Variants in DNM3 observed in about 807,000 individuals in gnomAD.
The protein encoded by DNM3 is dynamin 3.
Under a neutral mutation model 101.6 loss-of-function variants are expected in DNM3, and 47 were observed. The observed-to-expected ratio is 0.46, with a 90% confidence interval of 0.37 to 0.59. DNM3 has a LOEUF of 0.59. Among genes scored for constraint, DNM3 ranks in the 20% least tolerant of loss-of-function variants. The pLI, the probability that DNM3 is intolerant of heterozygous loss-of-function variation, is 0.00. For synonymous variants in DNM3, 385 were observed against 387.9 expected (o/e 0.99, Z 0.09); for missense variants, 849 against 1,085.7 (o/e 0.78, Z 3.06).
intron 16 of DNM3, among the ~76,000 whole-genome samples, chr1:172,319,535 GA>G (rs879441987): frequency 6.6e-6 from 1 of 151,950 alleles, no homozygotes; most frequent in Non-Finnish European, 1.5e-5. Flanking sequence ...AAATTTACAA[GA>G]AAAAAACAAA....
intron 4 of DNM3, among the ~76,000 whole-genome samples, chr1:172,015,749 A>G (rs2047408038): frequency 6.6e-6 from 1 of 152,188 alleles, no homozygotes; most frequent in South Asian, 2.1e-4. Context: ...TACAATCTAT[A>G]AAGAGTTATT....
In DNM3 at chr1:171,865,515, CAAAA is replaced by C. The variant is rs57826674; in HGVS notation, c.161+23720_161+23723del. ...TGGGTGACAGAGCAAGATCCTGTCT[CAAAA>C]AAAAAAAAAAAAAAAAAAAAAGAAT... On this transcript the variant is annotated intron_variant, in intron 1 of 20. Transcript: ENST00000627582. Among the ~76,000 whole-genome samples the C allele has an allele frequency of 5.9e-3, 478 of 80,690 alleles. 4 individuals carry two copies. Among genetic ancestry groups the C allele is most frequent in the African/African-American group, 0.021 (450 of 21,408 alleles). The allele number at this position is 80,690 out of a possible 152,430, so 52.9% of individuals were successfully genotyped here.
At chr1:172,156,702 A>G (rs1425374194) in intron 14 of DNM3, among the ~76,000 whole-genome samples, 3 of 152,098 alleles carry the variant, frequency 2.0e-5, no homozygotes. Flanking sequence ...GTGATTGTAT[A>G]CTATAAATAA....
At chr1:172,086,441 G>A (rs2147777490) in intron 12 of DNM3, among the ~76,000 whole-genome samples, 1 of 152,266 alleles carries the variant, frequency 6.6e-6, no homozygotes, top group South Asian at 2.1e-4. Context: ...TAGCACCATT[G>A]CACAATAGAA....
intron 20 of DNM3, among the ~76,000 whole-genome samples, chr1:172,398,246 C>T (rs1429578315): frequency 1.3e-5 from 2 of 152,168 alleles, no homozygotes; most frequent in African/African-American, 4.8e-5. Context: ...CTTCTGATTT[C>T]CCTTGTTTCT....
At chr1:172,304,222 A>AAC (rs745651671) in intron 15 of DNM3, among the ~76,000 whole-genome samples, 4 of 129,004 alleles carry the variant, frequency 3.1e-5, no homozygotes, top group African/African-American at 1.4e-4. Flanking sequence ...AAAAAAAAAA[A>AAC]CAGGAGTTGC....
At chr1:172,124,700 G>A (rs146082317) in intron 13 of DNM3, among the ~76,000 whole-genome samples, 121 of 152,194 alleles carry the variant, frequency 8.0e-4, no homozygotes, top group Middle Eastern at 3.4e-3. Context: ...TCTTGCCCTG[G>A]CCCAGAGCAC....
At chr1:172,111,566 C>T (rs573138493) in intron 13 of DNM3, among the ~76,000 whole-genome samples, 1 of 152,230 alleles carries the variant, frequency 6.6e-6, no homozygotes, top group South Asian at 2.1e-4. Context: ...AGTAAGTTGC[C>T]TAAGTTCACA....
chr1:172,233,185 AT>A (rs1229709671), intron 14 of DNM3, among the ~76,000 whole-genome samples: 1 of 152,226 alleles, frequency 6.6e-6, no homozygotes, highest in Non-Finnish European at 1.5e-5. Flanking sequence ...AATAGATGCA[AT>A]AAAAAATGAT....
chr1:171,875,317 G>T (rs12141865), intron 1 of DNM3, among the ~76,000 whole-genome samples: 14,339 of 152,144 alleles, frequency 0.094, 832 homozygotes, highest in South Asian at 0.24. Flanking sequence ...TCCTCTGCAG[G>T]CTTGCCAGCA....
At chr1:172,361,684 T>C (rs2067747826) in intron 17 of DNM3, among the ~76,000 whole-genome samples, 1 of 151,944 alleles carries the variant, frequency 6.6e-6, no homozygotes, top group Non-Finnish European at 1.5e-5. Context: ...ACCTGACAAG[T>C]AGTGTTAGGT....
chr1:172,317,594 G>C (rs898451122), intron 16 of DNM3, among the ~76,000 whole-genome samples: 1 of 152,204 alleles, frequency 6.6e-6, no homozygotes, highest in African/African-American at 2.4e-5. Flanking sequence ...ACTACCATCA[G>C]AGAATACTAC....
chr1:172,101,919 T>C (rs2054671598), intron 13 of DNM3, among the ~76,000 whole-genome samples: 1 of 152,038 alleles, frequency 6.6e-6, no homozygotes, highest in South Asian at 2.1e-4. Context: ...AGTGCAATGG[T>C]GTGATATCGG....
chr1:172,009,518 ATTAAAAC>A (rs2046974295), intron 4 of DNM3, among the ~76,000 whole-genome samples: 2 of 151,752 alleles, frequency 1.3e-5, no homozygotes, highest in African/African-American at 4.8e-5. Context: ...ATTAATTAAA[ATTAAAAC>A]TTAATAATTG....
At chr1:172,193,207 C>G (rs1308587138) in intron 14 of DNM3, among the ~76,000 whole-genome samples, 2 of 151,798 alleles carry the variant, frequency 1.3e-5, no homozygotes, top group Non-Finnish European at 2.9e-5. Context: ...GTCCTTGGCC[C>G]CATCAAAAAG....
chr1:172,314,876 G>C lies in DNM3; in HGVS notation c.1881+6037G>C, dbSNP rs573479710. Among the ~76,000 whole-genome samples the C allele has an allele frequency of 3.3e-5, 5 of 152,296 alleles. No homozygotes were observed. In the East Asian group the frequency reaches 9.7e-4, roughly 29 times the overall value. On this transcript the variant is annotated intron_variant, in intron 16 of 20. Transcript: ENST00000627582. ...TTAAATGTCCCTGTCTGACAGCTTT[G>C]AAGAGAGCAGTGGTTCTCCCAGCAC...
intron 14 of DNM3, among the ~76,000 whole-genome samples, chr1:172,160,400 T>C (rs1432658877): frequency 1.3e-5 from 2 of 152,118 alleles, no homozygotes; most frequent in African/African-American, 4.8e-5. Flanking sequence ...TTAATATCCT[T>C]ATTCTATATT....
At chr1:171,894,072 T>G (rs1245109678) in intron 1 of DNM3, among the ~76,000 whole-genome samples, 1 of 152,082 alleles carries the variant, frequency 6.6e-6, no homozygotes, top group African/African-American at 2.4e-5. Context: ...TCTGCCCACC[T>G]CGGCCTCCCA....
At chr1:172,057,131 G>A (rs2050710006) in intron 10 of DNM3, among the ~76,000 whole-genome samples, 1 of 151,948 alleles carries the variant, frequency 6.6e-6, no homozygotes, top group South Asian at 2.1e-4. Flanking sequence ...AAGCGAGAAG[G>A]GAAGTTTAGA....
Sources: gnomAD v4.1 joint callset for allele counts (sites outside exome capture counted in the v4.1 genomes callset) on GRCh38, gnomAD v4.1.1 for gene constraint, MANE v1.5 for transcripts, NCBI Gene and HGNC (gene_info 2026-07-23, HGNC 2026-07-21) for gene names.